The following TRPM3 variants were observed in gnomAD, a reference collection of about 807,000 sequenced individuals.
The protein encoded by TRPM3 is transient receptor potential cation channel subfamily M member 3.
In TRPM3, 77 loss-of-function variants were observed where a neutral mutation model predicts 181.2. The observed-to-expected ratio is 0.42, with a 90% confidence interval of 0.35 to 0.51. The LOEUF (loss-of-function observed/expected upper bound fraction) is 0.51, where lower values mean the gene tolerates loss of function less well. Ranked by LOEUF, TRPM3 falls within the 20% of genes least tolerant of loss-of-function variation. The pLI, the probability that TRPM3 is intolerant of heterozygous loss-of-function variation, is 0.01. For missense variants in TRPM3, 1,759 were observed against 2,196.7 expected (o/e 0.80, Z 3.98); for synonymous variants, 745 against 796.4 (o/e 0.94, Z 1.09).
At chr9:71,444,758 A>C (rs1026051239) in intron 1 of TRPM3, among the ~76,000 whole-genome samples, 1 of 152,236 alleles carries the variant, frequency 6.6e-6, no homozygotes, top group Non-Finnish European at 1.5e-5. Flanking sequence ...CTTTGTTAAC[A>C]ACTATAGAAT....
intron 8 of TRPM3, among the ~76,000 whole-genome samples, chr9:70,746,383 AAG>A (rs1177112565): frequency 6.6e-6 from 1 of 152,106 alleles, no homozygotes; most frequent in Non-Finnish European, 1.5e-5. Context: ...TAAATGTGGA[AAG>A]AGAGTTGTCA....
At chr9:71,274,897 T>TA (rs2132151381) in intron 1 of TRPM3, among the ~76,000 whole-genome samples, 1 of 152,330 alleles carries the variant, frequency 6.6e-6, no homozygotes, top group East Asian at 1.9e-4. Context: ...TAAGTGATAT[T>TA]AAGGCCTAGG....
At chr9:71,357,043 T>C (rs563974027) in intron 1 of TRPM3, among the ~76,000 whole-genome samples, 37 of 152,042 alleles carry the variant, frequency 2.4e-4, no homozygotes, top group Admixed American at 3.9e-4. Context: ...AAAAACAAAA[T>C]AGTGATAAAA....
chr9:70,864,841 A>G (rs1299176129), intron 1 of TRPM3, among the ~76,000 whole-genome samples: 1 of 152,068 alleles, frequency 6.6e-6, no homozygotes, highest in Non-Finnish European at 1.5e-5. Flanking sequence ...GGAGGGATAG[A>G]ATAGTATGTT....
At chr9:70,571,853 C>A (rs2052483001) in intron 22 of TRPM3, among the ~76,000 whole-genome samples, 1 of 152,068 alleles carries the variant, frequency 6.6e-6, no homozygotes, top group African/African-American at 2.4e-5. Context: ...GTTTATTGAT[C>A]CTTCTCTTTG....
chr9:71,367,971 C>CAT (rs1386218383), intron 1 of TRPM3, among the ~76,000 whole-genome samples: 1 of 145,636 alleles, frequency 6.9e-6, no homozygotes, highest in Non-Finnish European at 1.5e-5. Context: ...ATATATATAT[C>CAT]ATATATATGC....
At chr9:71,284,708 A>AC (rs1454430095) in intron 1 of TRPM3, among the ~76,000 whole-genome samples, 1 of 152,222 alleles carries the variant, frequency 6.6e-6, no homozygotes, top group East Asian at 1.9e-4. Context: ...GTTATTCACT[A>AC]ACATTTACTA....
In TRPM3 at chr9:70,533,581, A is replaced by G. The variant is rs2041184640; in HGVS notation, c.*2372T>C. ...CTTTCAAGTTATATTGCAACTTTGC[A>G]TTATGTACATTTTTTTTTTCTTTCT... On this transcript the variant is annotated 3_prime_UTR_variant, in exon 26 of 26. Coordinates refer to ENST00000677713, the MANE Select transcript of TRPM3 (RefSeq NM_001366145.2). The G allele has an allele frequency of 6.6e-6, 1 of 152,066 alleles. No homozygotes were observed. The highest frequency in any genetic ancestry group is 6.6e-5 in the Admixed American group (1 of 15,256). The allele number at this position is 152,066 out of a possible 1,614,324, so 9.4% of individuals were successfully genotyped here.
At chr9:71,307,901 A>G (rs899279258) in intron 1 of TRPM3, among the ~76,000 whole-genome samples, 1 of 152,032 alleles carries the variant, frequency 6.6e-6, no homozygotes, top group African/African-American at 2.4e-5. Context: ...TTTTGTTTTA[A>G]AAATTTATTT....
intron 3 of TRPM3, 37 bp from the exon 4 acceptor site, chr9:70,846,628 C>T: frequency 1.3e-6 from 2 of 1,572,026 alleles, no homozygotes. Context: ...GGAGACAAGG[C>T]AGGACTGGCT....
intron 1 of TRPM3, among the ~76,000 whole-genome samples, chr9:70,931,687 GAC>G (rs775118036): frequency 3.3e-5 from 5 of 151,922 alleles, no homozygotes; most frequent in Non-Finnish European, 7.4e-5. Flanking sequence ...TTCCCCAAAT[GAC>G]ACATCTTTTA....
At chr9:70,668,337 T>C (rs986820625) in intron 9 of TRPM3, among the ~76,000 whole-genome samples, 3 of 152,190 alleles carry the variant, frequency 2.0e-5, no homozygotes, top group African/African-American at 7.2e-5. Context: ...ATTGTGGTAC[T>C]TGTGAGGATT....
Position 71,121,381 on chromosome 9 carries a change from T to G in TRPM3, c.-27A>C. The G allele has an allele frequency of 6.2e-7, 1 of 1,610,176 alleles. No individual in the cohort carries two copies. The highest frequency in any genetic ancestry group is 8.5e-7 in the Non-Finnish European group (1 of 1,178,480). On this transcript the variant is annotated 5_prime_UTR_variant, in exon 1 of 26. Transcript: ENST00000677713. The stretch of plus-strand genomic sequence containing the variant: ...CCATGGTCATCTCCACACCTGCAAA[T>G]TCCATTAGGGCAGAGGCTTCCTGGA...
chr9:70,638,947 G>A (rs1223813396), intron 11 of TRPM3, 113 bp downstream of exon 11: 9 of 1,214,348 alleles, frequency 7.4e-6, no homozygotes, highest in Admixed American at 2.2e-5. Context: ...TGTGATGAAT[G>A]AACCATGCAT....
chr9:71,047,810 TCACACACACACACACACACACACA>T (rs56653631), intron 1 of TRPM3, among the ~76,000 whole-genome samples: 6 of 141,524 alleles, frequency 4.2e-5, no homozygotes, highest in South Asian at 2.4e-4. Context: ...ACTGGCTGCA[TCACACACACACACACACACACACA>T]CACACACACA....
chr9:70,761,479 T>C, intron 8 of TRPM3, 122 bp downstream of exon 8: 1 of 1,391,342 alleles, frequency 7.2e-7, no homozygotes, highest in Non-Finnish European at 1.0e-6. Context: ...CAATGGAGCC[T>C]GAGGAGAGCT....
rs71367227 is a variant in TRPM3, at chr9:70,786,311, C to CAAAAAA, written c.974-2038_974-2033dup. On this transcript the variant is annotated intron_variant, in intron 6 of 25. Transcript: ENST00000677713. The stretch of plus-strand genomic sequence containing the variant: ...GAAACCCTGTCACTACTAAAAATAC[C>CAAAAAA]AAAAAAAAAAAAAAAAAAAAAAAAT... Among the ~76,000 whole-genome samples, 24 of 54,462 alleles carry CAAAAAA rather than the reference C, an allele frequency of 4.4e-4. 1 individual carries two copies. The highest frequency in any genetic ancestry group is 9.8e-4 in the African/African-American group (14 of 14,272). The allele number at this position is 54,462 out of a possible 152,430, so 35.7% of individuals were successfully genotyped here.
intron 1 of TRPM3, among the ~76,000 whole-genome samples, chr9:71,002,097 T>G (rs184218616): frequency 3.9e-4 from 59 of 152,346 alleles, no homozygotes; most frequent in Non-Finnish European, 7.1e-4. Flanking sequence ...CTTCCCTTTC[T>G]GTACTCCAGC....
chr9:70,857,221 A>G (rs915143055), intron 3 of TRPM3, among the ~76,000 whole-genome samples: 5 of 152,022 alleles, frequency 3.3e-5, no homozygotes, highest in South Asian at 2.1e-4. Flanking sequence ...GGGGCTTGCA[A>G]TTTGGTAGGA....
Sources: gnomAD v4.1 joint callset for allele counts (sites outside exome capture counted in the v4.1 genomes callset) on GRCh38, gnomAD v4.1.1 for gene constraint, MANE v1.5 for transcripts, NCBI Gene and HGNC (gene_info 2026-07-23, HGNC 2026-07-21) for gene names.